Variants in RAPGEF4 observed in about 807,000 individuals in gnomAD.
RAPGEF4 encodes RAP guanine-nucleotide-exchange factor (GEF) 4.
RAPGEF4 carries 66 observed loss-of-function variants against 147.9 expected under a neutral mutation model. That is an observed-to-expected ratio of 0.45 (90% CI 0.37 to 0.55). The LOEUF is 0.55. Ranked by LOEUF, RAPGEF4 falls within the 20% of genes least tolerant of loss-of-function variation. The probability of loss-of-function intolerance (pLI) is 0.00; values close to 1 mark genes in which losing one functional copy is unlikely to be tolerated. For synonymous variants in RAPGEF4, 419 were observed against 442.7 expected (o/e 0.95, Z 0.67); for missense variants, 1,071 against 1,257.3 (o/e 0.85, Z 2.24).
At chr2:173,013,276 G>A (rs143809028) in intron 17 of RAPGEF4, among the ~76,000 whole-genome samples, 204 of 152,294 alleles carry the variant, frequency 1.3e-3, no homozygotes, top group African/African-American at 2.9e-3. Flanking sequence ...CTTGTAGCTC[G>A]CTGTGAGGAA....
At chr2:172,798,648 C>CTTTTTTTTTTTTTTTTTTTTTTT (rs1268901656) in intron 3 of RAPGEF4, among the ~76,000 whole-genome samples, 5 of 151,846 alleles carry the variant, frequency 3.3e-5, no homozygotes, top group Admixed American at 6.6e-5. Context: ...GAGGCTTTTT[C>CTTTTTTTTTTTTTTTTTTTTTTT]ATAGGTAGCA....
At chr2:173,020,552 G>T (rs1695983692) in intron 22 of RAPGEF4, 66 bp from the exon 23 acceptor site, 1 of 1,293,390 alleles carries the variant, frequency 7.7e-7, no homozygotes, top group Non-Finnish European at 1.1e-6. Context: ...TTGTTGGTGT[G>T]ATTAGGGCAG....
chr2:172,867,179 G>T (rs1306821835), intron 4 of RAPGEF4, among the ~76,000 whole-genome samples: 1 of 151,910 alleles, frequency 6.6e-6, no homozygotes, highest in Admixed American at 6.6e-5. Flanking sequence ...TGCCATGTTG[G>T]CCAGGCTGGT....
chr2:173,019,349 G>A (rs769034334), intron 22 of RAPGEF4, among the ~76,000 whole-genome samples: 47 of 152,288 alleles, frequency 3.1e-4, no homozygotes, highest in Non-Finnish European at 5.1e-4. Flanking sequence ...TCATTTATTC[G>A]TTCATCACAT....
At chr2:172,880,102 T>C (rs1188068953) in intron 4 of RAPGEF4, among the ~76,000 whole-genome samples, 1 of 151,824 alleles carries the variant, frequency 6.6e-6, no homozygotes, top group East Asian at 1.9e-4. Flanking sequence ...ACTGAAGGGG[T>C]GGGGGAATCA....
At chr2:172,874,260 A>T (rs544187617) in intron 4 of RAPGEF4, among the ~76,000 whole-genome samples, 42 of 151,760 alleles carry the variant, frequency 2.8e-4, no homozygotes, top group South Asian at 2.3e-3. Context: ...TATTTTTTTT[A>T]AATTATACTT....
At chr2:172,753,933 C>G (rs2149448689) in intron 1 of RAPGEF4, among the ~76,000 whole-genome samples, 1 of 152,152 alleles carries the variant, frequency 6.6e-6, no homozygotes, top group Non-Finnish European at 1.5e-5. Context: ...TACACACCAG[C>G]TTCTTTCTGA....
At chr2:172,913,619 A>G (rs754421036) in intron 4 of RAPGEF4, among the ~76,000 whole-genome samples, 1 of 152,180 alleles carries the variant, frequency 6.6e-6, no homozygotes, top group Non-Finnish European at 1.5e-5. Context: ...GCACTCATAT[A>G]TAAGCTCTTA....
intron 1 of RAPGEF4, among the ~76,000 whole-genome samples, chr2:172,766,328 C>T (rs139037060): frequency 0.017 from 2,650 of 152,162 alleles, 94 homozygotes; most frequent in African/African-American, 0.06. Context: ...AAGACGGGCA[C>T]ATCCCTTGAG....
rs541482296 is a variant in RAPGEF4 at position 172,968,736 on chromosome 2, A to G, written c.1004+1292A>G. Among the ~76,000 whole-genome samples, 15 of 152,346 alleles carry G rather than the reference A, an allele frequency of 9.8e-5. No individual in the cohort carries two copies. The South Asian group carries it at 2.7e-3, about 27-fold the overall frequency. The stretch of plus-strand genomic sequence containing the variant: ...ACTGACATAAGCAGGAGTGGGGTCC[A>G]AGAAACCTGCCCAGCCAATGTATGC... On this transcript the variant is annotated intron_variant, in intron 10 of 30. Transcript: ENST00000397081.
In RAPGEF4 at chr2:172,893,945, A is replaced by G. The variant is rs145638741; in HGVS notation, c.445-23857A>G. 240 of 152,892 alleles carry G rather than the reference A, an allele frequency of 1.6e-3. 1 individual carries two copies. Among genetic ancestry groups the G allele is most frequent in the Middle Eastern group, 6.8e-3 (2 of 296 alleles). The allele number at this position is 152,892 out of a possible 1,614,324, so 9.5% of individuals were successfully genotyped here. On this transcript the variant is annotated intron_variant, in intron 4 of 30. Transcript: ENST00000397081. ...ACAATGCCACAGTCTGATCAGTTAG[A>G]TCCAAGCTAGCAGAAAATTCTGCCC...
chr2:172,892,929 G>T (rs918947206), intron 4 of RAPGEF4, among the ~76,000 whole-genome samples: 4 of 152,200 alleles, frequency 2.6e-5, no homozygotes, highest in African/African-American at 9.7e-5. Context: ...ATTCCTTGGG[G>T]CAAAGGTCTT....
chr2:172,885,621 G>A (rs1697118985), intron 4 of RAPGEF4, among the ~76,000 whole-genome samples: 1 of 152,148 alleles, frequency 6.6e-6, no homozygotes, highest in South Asian at 2.1e-4. Flanking sequence ...CAAATGAAAG[G>A]GGTTTCCGCT....
At chr2:173,051,425 A>G (rs879731963) in intron 30 of RAPGEF4, among the ~76,000 whole-genome samples, 4 of 152,118 alleles carry the variant, frequency 2.6e-5, no homozygotes, top group African/African-American at 7.2e-5. Flanking sequence ...GAGAATGATC[A>G]AAAGAGGTGA....
At chr2:172,994,205 A>T (rs528155480) in intron 15 of RAPGEF4, among the ~76,000 whole-genome samples, 2 of 152,202 alleles carry the variant, frequency 1.3e-5, no homozygotes, top group Non-Finnish European at 2.9e-5. Flanking sequence ...TTTTCATGTT[A>T]TGGAATGTAC....
intron 15 of RAPGEF4, among the ~76,000 whole-genome samples, chr2:172,994,923 A>G (rs1330575233): frequency 2.0e-5 from 3 of 151,928 alleles, no homozygotes; most frequent in African/African-American, 7.3e-5. Context: ...TCAAAGACTT[A>G]ACTGTTTAGC....
At chr2:172,756,917 C>T (rs915511220) in intron 1 of RAPGEF4, among the ~76,000 whole-genome samples, 31 of 152,346 alleles carry the variant, frequency 2.0e-4, no homozygotes, top group South Asian at 6.2e-4. Flanking sequence ...ATTTTCCAGA[C>T]GTGTGCCTTC....
chr2:172,783,976 C>G (rs993743888), intron 1 of RAPGEF4, among the ~76,000 whole-genome samples: 3 of 152,086 alleles, frequency 2.0e-5, no homozygotes, highest in Non-Finnish European at 2.9e-5. Context: ...TACAGTAATG[C>G]CTTCATGAAG....
chr2:172,771,425 A>T (rs201924418), intron 1 of RAPGEF4, among the ~76,000 whole-genome samples: 3 of 150,088 alleles, frequency 2.0e-5, no homozygotes, highest in Non-Finnish European at 3.0e-5. Context: ...TTTTTTTTTT[A>T]AATAAAGCGA....
Sources: allele counts gnomAD v4.1 joint callset (sites outside exome capture counted in the v4.1 genomes callset), GRCh38; gene constraint gnomAD v4.1.1; transcripts MANE v1.5; gene names NCBI Gene and HGNC (gene_info 2026-07-23, HGNC 2026-07-21).